CCAR2: variants seen among roughly 807,000 people sequenced by gnomAD.
CCAR2 encodes the protein cell cycle and apoptosis regulator protein 2.
Under a neutral mutation model 108.1 loss-of-function variants are expected in CCAR2, and 21 were observed. That is an observed-to-expected ratio of 0.19 (90% CI 0.14 to 0.28). The LOEUF is 0.28. Ranked by LOEUF, CCAR2 falls within the 10% of genes least tolerant of loss-of-function variation. CCAR2 has a pLI of 1.00. For missense variants in CCAR2, 1,126 were observed against 1,177.0 expected (o/e 0.96, Z 0.63); for synonymous variants, 577 against 472.8 (o/e 1.22, Z -2.86).
At chr8:22,616,550 G>C in intron 14 of CCAR2, 1 of 414,024 alleles carries the variant, frequency 2.4e-6, no homozygotes, top group East Asian at 4.9e-5. Flanking sequence ...GGGCGCTGTA[G>C]CTCACCCCTG....
chr8:22,614,005 T>C, intron 8 of CCAR2, 87 bp from the exon 9 acceptor site: 1 of 1,248,818 alleles, frequency 8.0e-7, no homozygotes, highest in Non-Finnish European at 1.1e-6. Flanking sequence ...TGAAAAAAAA[T>C]TCGCCCATTT....
Position 22,608,959 on chromosome 8 carries a change from A to T in CCAR2, c.584+894A>T, listed in dbSNP as rs536398226. ...CCACTTGATTTTGTTAAGGTAAAAA[A>T]TTTTAACGTGGAACTTATGTAGATT... On this transcript the variant is annotated intron_variant, in intron 7 of 20. Transcript: ENST00000308511. 2.6e-5 allele frequency among the ~76,000 whole-genome samples: 4 copies of T among 152,236 alleles called. No homozygotes were observed. The South Asian group carries it at 6.2e-4, about 24-fold the overall frequency.
Position 22,614,968 on chromosome 8 carries a change from A to T in CCAR2, c.1172A>T (p.Gln391Leu). Residue 391 changes from glutamine to leucine, a missense_variant, in exon 11 of 21, where the codon CAG (glutamine) becomes CTG (leucine). Gln to Leu is a moderately radical substitution (Grantham distance 113, BLOSUM62 -2). Coordinates refer to ENST00000308511, the MANE Select transcript of CCAR2 (RefSeq NM_001393997.1). Reference sequence around the variant, plus strand: ...ACCGCCATCCGCTGTGCGCAGGCCCAGACTGGCATTGATTTGAGCGGCTGT... The same window carrying T: ...ACCGCCATCCGCTGTGCGCAGGCCCTGACTGGCATTGATTTGAGCGGCTGT... Reference protein sequence around the residue: ...VRTAIRCAQAQTGIDLSGCTK... With the variant: ...VRTAIRCAQALTGIDLSGCTK... The T allele has an allele frequency of 6.2e-7, 1 of 1,602,104 alleles. No individual in the cohort carries two copies.
intron 16 of CCAR2, 59 bp from the exon 17 acceptor site, chr8:22,618,290 G>A: frequency 1.2e-6 from 2 of 1,608,454 alleles, no homozygotes; most frequent in South Asian, 2.2e-5. Context: ...TGAATCCTGG[G>A]CGATAGAGCC....
chr8:22,606,291 A>T (rs1801076348), intron 3 of CCAR2, 115 bp downstream of exon 3: 3 of 945,510 alleles, frequency 3.2e-6, no homozygotes, highest in Non-Finnish European at 5.0e-6. Context: ...CTCTCCTGGT[A>T]GTGGGCTAGT....
chr8:22,611,495 C>T (rs763410950), intron 7 of CCAR2, among the ~76,000 whole-genome samples: 6 of 149,128 alleles, frequency 4.0e-5, no homozygotes, highest in African/African-American at 9.9e-5. Context: ...TGGTTTCTAC[C>T]TTCTTTCTCT....
At chr8:22,612,226 C>T (rs1801313273) in intron 7 of CCAR2, among the ~76,000 whole-genome samples, 2 of 151,960 alleles carry the variant, frequency 1.3e-5, no homozygotes, top group African/African-American at 2.4e-5. Flanking sequence ...GGATAACAGG[C>T]GTGAGCCACC....
At chr8:22,617,295 G>A (rs772356521) in intron 14 of CCAR2, 125 bp from the exon 15 acceptor site, 5 of 1,049,212 alleles carry the variant, frequency 4.8e-6, no homozygotes, top group Non-Finnish European at 6.6e-6. Context: ...GAAATGAGAC[G>A]GTATCTGTAG....
At chr8:22,611,728 T>C (rs963542127) in intron 7 of CCAR2, among the ~76,000 whole-genome samples, 1 of 151,844 alleles carries the variant, frequency 6.6e-6, no homozygotes, top group Non-Finnish European at 1.5e-5. Context: ...TGCGTGATTG[T>C]TTGTATTTAC....
intron 6 of CCAR2, 117 bp downstream of exon 6, chr8:22,607,442 T>C: frequency 9.3e-7 from 1 of 1,078,478 alleles, no homozygotes; most frequent in Non-Finnish European, 1.3e-6. Context: ...GGAAGAAAGG[T>C]GGGCAATCTG....
chr8:22,609,153 C>G (rs1323449603), intron 7 of CCAR2, among the ~76,000 whole-genome samples: 1 of 151,354 alleles, frequency 6.6e-6, no homozygotes, highest in African/African-American at 2.4e-5. Context: ...CTGGCACAAG[C>G]CATCCTCCTG....
At chr8:22,615,091 G>A in intron 11 of CCAR2, 90 bp downstream of exon 11, 1 of 1,419,536 alleles carries the variant, frequency 7.0e-7, no homozygotes, top group Non-Finnish European at 9.3e-7. Context: ...CTTTCTGCTG[G>A]TTAGCTCTCT....
At position 22,616,451 on chromosome 8, in the gene CCAR2, T is replaced by TGACA. The variant is rs1418424221; in HGVS notation, c.1845+205_1845+208dup. ...GTGCAGGGAGCATGGCTGAGCAGCCTGACAGCACAGAAACCCTTGTCACTG... is the reference window on the plus strand; with the variant it reads ...GTGCAGGGAGCATGGCTGAGCAGCCTGACAGACAGCACAGAAACCCTTGTCACTG... On this transcript the variant is annotated intron_variant, in intron 14 of 20. Transcript: ENST00000308511. 93 of 593,422 alleles carry TGACA rather than the reference T, an allele frequency of 1.6e-4. No homozygotes were observed. The Middle Eastern group carries it at 5.8e-3, about 37-fold the overall frequency. The allele number at this position is 593,422 out of a possible 1,614,324, so 36.8% of individuals were successfully genotyped here. A position where few individuals can be genotyped will look rare whatever the true frequency, so the allele number is the denominator to read the frequency against.
rs990221580 is a variant in CCAR2 at position 22,618,431 on chromosome 8, A to G, written c.2156A>G (p.Tyr719Cys). Residue 719 changes from tyrosine to cysteine, a missense_variant, in exon 17 of 21, where the codon TAC (tyrosine) becomes TGC (cysteine). This residue lies in a region of CCAR2 where 1,013 missense variants were observed against 993.9 expected (regional missense o/e 1.02). Transcript: ENST00000308511. ...FVFFDANWCG[Y>C]LHRRDLERIL... Reference sequence around the variant, plus strand: ...TTCTTTGATGCCAACTGGTGTGGCTACTTGCACCGGCGAGACTTAGAGAGG... The same window carrying G: ...TTCTTTGATGCCAACTGGTGTGGCTGCTTGCACCGGCGAGACTTAGAGAGG... 1 of 1,614,170 alleles carries G rather than the reference A, an allele frequency of 6.2e-7. No individual in the cohort carries two copies. The highest frequency in any genetic ancestry group is 8.5e-7 in the Non-Finnish European group (1 of 1,180,044).
Position 22,615,751 on chromosome 8 carries a change from G to A in CCAR2, c.1447G>A (p.Glu483Lys). 1 of 1,613,912 alleles carries A rather than the reference G, an allele frequency of 6.2e-7. No homozygotes were observed. Among genetic ancestry groups the A allele is most frequent in the Non-Finnish European group, 8.5e-7 (1 of 1,180,024 alleles). The change falls in exon 13 of 21, where the codon GAA becomes AAA. Residue 483 changes from glutamate (E) to lysine (K), a missense_variant. By Grantham distance (56) the Glu-to-Lys change is moderately conservative. Around this residue, in one of 4 missense-constraint regions of CCAR2, gnomAD observed 1,013 missense variants for 993.9 expected, o/e 1.02. Transcript: ENST00000308511. ...AGCAGACACTTCTAGACGGAACGCA[G>A]AAACTCCAGAGGCCACCACACAGCA... ...QAADTSRRNA[E>K]TPEATTQQET...
chr8:22,604,875 C>T lies in CCAR2; in HGVS notation c.-39+33C>T, dbSNP rs541736319. Reference sequence around the variant, plus strand: ...GGGGGGCCCCCTGCCGCCCCTCTGCCCCTTCGCCCCTCCGCCCCTCCGCTG... The same window carrying T: ...GGGGGGCCCCCTGCCGCCCCTCTGCTCCTTCGCCCCTCCGCCCCTCCGCTG... On this transcript the variant is annotated intron_variant, in intron 1 of 20. Coordinates refer to ENST00000308511, the MANE Select transcript of CCAR2 (RefSeq NM_001393997.1). The T allele has an allele frequency of 6.1e-4, 272 of 442,668 alleles. 3 individuals carry two copies. The highest frequency in any genetic ancestry group is 4.1e-3 in the South Asian group (262 of 63,356). 27.4% of individuals were successfully genotyped at this position (442,668 alleles called of 1,614,324 possible).
rs199866648 is a variant in CCAR2 at position 22,615,614 on chromosome 8, C to T, written c.1377+18C>T. On this transcript the variant is annotated intron_variant, in intron 12 of 20. Coordinates refer to ENST00000308511, the MANE Select transcript of CCAR2 (RefSeq NM_001393997.1). Reference sequence around the variant, plus strand: ...CACAAGGGGTAAGGCTGTGCCTTAGCCAGCAGCGGGGGATATAGGTGGCCT... The same window carrying T: ...CACAAGGGGTAAGGCTGTGCCTTAGTCAGCAGCGGGGGATATAGGTGGCCT... The T allele has an allele frequency of 7.4e-6, 12 of 1,613,626 alleles. 1 individual carries two copies. Among genetic ancestry groups the T allele is most frequent in the Admixed American group, 1.7e-5 (1 of 60,012 alleles).
chr8:22,607,152 C>G, intron 5 of CCAR2, 44 bp from the exon 6 acceptor site: 1 of 1,611,370 alleles, frequency 6.2e-7, no homozygotes. Context: ...TAGTGAGTGC[C>G]TCAACCATGG....
chr8:22,615,739 A>G lies in CCAR2; in HGVS notation c.1435A>G (p.Arg479Gly). 1.2e-6 allele frequency: 2 copies of G among 1,613,834 alleles called. No individual in the cohort carries two copies. Among genetic ancestry groups the G allele is most frequent in the Non-Finnish European group, 1.7e-6 (2 of 1,180,010 alleles). ...CTTGGAGCAAGCAGCAGACACTTCT[A>G]GACGGAACGCAGAAACTCCAGAGGC... is the stretch of plus-strand genomic sequence containing the variant. ...DALEQAADTS[R>G]RNAETPEATT... Residue 479 changes from arginine (R) to glycine (G), a missense_variant, in exon 13 of 21, where the codon AGA becomes GGA. Arg to Gly is a moderately radical substitution (Grantham distance 125). Transcript: ENST00000308511.
Sources: gnomAD v4.1 joint callset for allele counts (sites outside exome capture counted in the v4.1 genomes callset) on GRCh38, gnomAD v4.1.1 for gene constraint, gnomAD v4.1.1 regional missense constraint, MANE v1.5 for transcripts, NCBI Gene and HGNC (gene_info 2026-07-23, HGNC 2026-07-21) for gene names.